The following ARB2A variants were observed in gnomAD, a reference collection of about 807,000 sequenced individuals.
ARB2A encodes the protein cotranscriptional regulator ARB2A.
chr5:94,088,664 C>A, the ARB2A span, among the ~76,000 whole-genome samples: 7 of 152,116 alleles, frequency 4.6e-5, 1 homozygote, highest in South Asian at 1.5e-3. Flanking sequence ...AGAGCAAGAC[C>A]CTGTCTCAAA....
the ARB2A span, among the ~76,000 whole-genome samples, chr5:93,699,239 C>G: frequency 6.6e-6 from 1 of 152,150 alleles, no homozygotes; most frequent in Non-Finnish European, 1.5e-5. Context: ...CTTAAACATA[C>G]TCTCTGAGCA....
chr5:94,058,020 C>T, the ARB2A span, among the ~76,000 whole-genome samples: 4 of 151,774 alleles, frequency 2.6e-5, no homozygotes, highest in African/African-American at 9.7e-5. Context: ...TATCCATACA[C>T]ATAGGAGAAA....
chr5:93,970,184 G>A, the ARB2A span, among the ~76,000 whole-genome samples: 2 of 152,086 alleles, frequency 1.3e-5, no homozygotes, highest in African/African-American at 4.8e-5. Context: ...GGCATATTAG[G>A]AGAGTAAGAA....
chr5:94,029,869 A>G, the ARB2A span, among the ~76,000 whole-genome samples: 10 of 152,214 alleles, frequency 6.6e-5, no homozygotes, highest in Non-Finnish European at 1.5e-4. Flanking sequence ...TCTTAAAGAC[A>G]TACCCAAGAC....
the ARB2A span, among the ~76,000 whole-genome samples, chr5:93,825,367 A>C: frequency 2.6e-3 from 392 of 152,250 alleles, 4 homozygotes; most frequent in African/African-American, 9.0e-3. Flanking sequence ...CTTCATCTTC[A>C]ACAATGTTCT....
chr5:93,765,938 A>G, the ARB2A span, among the ~76,000 whole-genome samples: 1 of 152,206 alleles, frequency 6.6e-6, no homozygotes, highest in African/African-American at 2.4e-5. Flanking sequence ...GCAATGGGGA[A>G]AGGATTCCCT....
At chr5:94,026,507 G>A in the ARB2A span, among the ~76,000 whole-genome samples, 37 of 152,078 alleles carry the variant, frequency 2.4e-4, no homozygotes, top group Non-Finnish European at 4.6e-4. Context: ...AGGGCTTTTC[G>A]GGCTCAGAAT....
the ARB2A span, among the ~76,000 whole-genome samples, chr5:93,775,546 G>T: frequency 6.6e-6 from 1 of 152,180 alleles, no homozygotes; most frequent in African/African-American, 2.4e-5. Flanking sequence ...GAGCCCAACT[G>T]CTCCTAACCT....
At chr5:94,030,854 G>A in the ARB2A span, among the ~76,000 whole-genome samples, 9 of 152,124 alleles carry the variant, frequency 5.9e-5, no homozygotes, top group African/African-American at 2.2e-4. Flanking sequence ...TATAAAACGA[G>A]GTTGCCTCTC....
the ARB2A span, among the ~76,000 whole-genome samples, chr5:94,043,631 C>T: frequency 6.6e-6 from 1 of 152,186 alleles, no homozygotes; most frequent in Admixed American, 6.5e-5. Flanking sequence ...ACTTTACCTA[C>T]ACAGTCCCTG....
At chr5:93,621,199 C>T in the ARB2A span, 1 of 1,429,482 alleles carries the variant, frequency 7.0e-7, no homozygotes, top group Non-Finnish European at 9.3e-7. Flanking sequence ...CGGCGAGGGC[C>T]AGGCCGAGCC....
At chr5:93,815,456 A>AC in the ARB2A span, among the ~76,000 whole-genome samples, 1 of 152,202 alleles carries the variant, frequency 6.6e-6, no homozygotes, top group Non-Finnish European at 1.5e-5. Context: ...TAACCAGGGT[A>AC]CCAAAGACCA....
chr5:93,664,643 A>G, the ARB2A span, among the ~76,000 whole-genome samples: 12 of 148,064 alleles, frequency 8.1e-5, no homozygotes, highest in Admixed American at 4.1e-4. Context: ...AAATATATAT[A>G]TATATATATA....
At chr5:93,828,780 A>AT in the ARB2A span, among the ~76,000 whole-genome samples, 2 of 152,020 alleles carry the variant, frequency 1.3e-5, no homozygotes, top group Non-Finnish European at 2.9e-5. Context: ...TCCTATATCT[A>AT]TTTTTTTATT....
chr5:93,693,157 G>A, the ARB2A span, among the ~76,000 whole-genome samples: 2 of 152,060 alleles, frequency 1.3e-5, no homozygotes, highest in Non-Finnish European at 1.5e-5. Context: ...AGAAGCAAGA[G>A]CAAACAAATT....
chr5:93,744,568 C>T, the ARB2A span, among the ~76,000 whole-genome samples: 1 of 150,110 alleles, frequency 6.7e-6, no homozygotes, highest in Non-Finnish European at 1.5e-5. Flanking sequence ...ATGTGCATAT[C>T]TCCCAGTTTA....
chr5:93,773,401 T>C, the ARB2A span, among the ~76,000 whole-genome samples: 1 of 152,194 alleles, frequency 6.6e-6, no homozygotes, highest in African/African-American at 2.4e-5. Flanking sequence ...GTAGTATCTC[T>C]GCAATGCAGG....
chr5:93,736,148 A>C, the ARB2A span: 3 of 152,232 alleles, frequency 2.0e-5, no homozygotes, highest in Non-Finnish European at 2.9e-5. Flanking sequence ...TATACGGTTC[A>C]TTTACACTTG....
the ARB2A span, among the ~76,000 whole-genome samples, chr5:94,042,709 C>T: frequency 6.6e-6 from 1 of 152,146 alleles, no homozygotes. Flanking sequence ...GTCTATAAGG[C>T]TTTCTTAAGA....
Sources: gnomAD v4.1 joint callset for allele counts (sites outside exome capture counted in the v4.1 genomes callset) on GRCh38, gnomAD v4.1.1 for gene constraint, MANE v1.5 for transcripts, NCBI Gene and HGNC (gene_info 2026-07-23, HGNC 2026-07-21) for gene names.